The following JMJD1C variants were observed in gnomAD, a reference collection of about 807,000 sequenced individuals.
JMJD1C encodes the protein jumonji domain containing 1C.
JMJD1C carries 31 observed loss-of-function variants against 245.3 expected under a neutral mutation model. The ratio of observed to expected loss-of-function variants is 0.13; its 90% CI spans 0.09 to 0.17. JMJD1C has a LOEUF of 0.17. Ranked by LOEUF, JMJD1C falls within the 10% of genes least tolerant of loss-of-function variation. JMJD1C has a pLI of 1.00. For missense variants in JMJD1C, 2,691 were observed against 3,000.2 expected, an observed-to-expected ratio of 0.90 and a Z score of 2.41; for synonymous variants, 1,057 against 1,017.4, an observed-to-expected ratio of 1.04 and a Z score of -0.74.
At chr10:63,370,160 C>A (rs1946183876) in intron 2 of JMJD1C, among the ~76,000 whole-genome samples, 1 of 152,180 alleles carries the variant, frequency 6.6e-6, no homozygotes, top group Admixed American at 6.5e-5. Flanking sequence ...ACATCTCTTC[C>A]CCTGGCTGAT....
In JMJD1C at chr10:63,282,657, C is replaced by T. The variant is rs555237231; in HGVS notation, c.334-17893G>A. Among the ~76,000 whole-genome samples, 4 of 152,306 alleles carry T rather than the reference C, an allele frequency of 2.6e-5. 1 individual carries two copies. The South Asian group carries it at 8.3e-4, about 32-fold the overall frequency. ...CAGGGAAAACAAATATACTAATCTCCTCTCAGGTCAATAAAATTTCGATAA... is the reference window on the plus strand; with the variant it reads ...CAGGGAAAACAAATATACTAATCTCTTCTCAGGTCAATAAAATTTCGATAA... On this transcript the variant is annotated intron_variant, in intron 2 of 25. Transcript: ENST00000399262.
chr10:63,425,011 A>G (rs1049334208), intron 1 of JMJD1C, among the ~76,000 whole-genome samples: 9 of 152,286 alleles, frequency 5.9e-5, no homozygotes, highest in African/African-American at 2.2e-4. Flanking sequence ...GCTTGAAAAT[A>G]TCTTTCCATA....
In JMJD1C at chr10:63,208,772, G is replaced by C. The variant is rs774865285; in HGVS notation, c.2897C>G (p.Pro966Arg). The C allele has an allele frequency of 1.9e-6, 3 of 1,592,000 alleles. No homozygotes were observed. Among genetic ancestry groups the C allele is most frequent in the South Asian group, 1.2e-5 (1 of 86,692 alleles). The change falls in exon 10 of 26, where the codon CCA (proline) becomes CGA (arginine). Residue 966 changes from proline (P) to arginine (R), a missense_variant. Around this residue, in one of 9 missense-constraint regions of JMJD1C, gnomAD observed 1,562 missense variants for 1,490.7 expected, o/e 1.05. Transcript: ENST00000399262. ...EELERKAFME[P>R]LRSVASTSAK... ...TGATGTGGATGCAACAGACCGTAATGGTTCCATAAAAGCTTTTCTTTCTAA... is the reference window on the plus strand; with the variant it reads ...TGATGTGGATGCAACAGACCGTAATCGTTCCATAAAAGCTTTTCTTTCTAA...
chr10:63,354,131 G>T (rs546020913), intron 2 of JMJD1C, among the ~76,000 whole-genome samples: 1 of 152,262 alleles, frequency 6.6e-6, no homozygotes, highest in Admixed American at 6.5e-5. Flanking sequence ...GAGCCACTGC[G>T]CCTGGCCCTG....
chr10:63,185,414 G>A, intron 20 of JMJD1C, 149 bp downstream of exon 20: 1 of 648,794 alleles, frequency 1.5e-6, no homozygotes, highest in Non-Finnish European at 2.7e-6. Context: ...TTATAGGCGT[G>A]AGCCACTATG....
chr10:63,326,375 A>C (rs560223821), intron 2 of JMJD1C, among the ~76,000 whole-genome samples: 1 of 140,164 alleles, frequency 7.1e-6, no homozygotes, highest in African/African-American at 2.7e-5. Context: ...GCGCAATTCC[A>C]TCTCAAAAAT....
chr10:63,211,097 A>C (rs778307349), intron 8 of JMJD1C, among the ~76,000 whole-genome samples: 12 of 152,236 alleles, frequency 7.9e-5, no homozygotes, highest in Non-Finnish European at 1.5e-4. Context: ...AAACCACAGG[A>C]AACATCTTTC....
intron 1 of JMJD1C, chr10:63,465,184 C>G (rs1589800410): frequency 2.8e-6 from 1 of 356,724 alleles, no homozygotes; most frequent in Non-Finnish European, 5.1e-6. Context: ...CTCCGCCTTT[C>G]GGGGAGGTCT....
intron 3 of JMJD1C, among the ~76,000 whole-genome samples, chr10:63,238,177 T>A (rs1330933368): frequency 5.9e-5 from 2 of 33,864 alleles, no homozygotes; most frequent in Non-Finnish European, 1.7e-4. Flanking sequence ...TGAGACTCCA[T>A]CTCAAAAAAA....
At chr10:63,203,644 A>G in intron 10 of JMJD1C, 2 of 976,354 alleles carry the variant, frequency 2.0e-6, no homozygotes, top group Non-Finnish European at 2.4e-6. Context: ...CATAAAAATT[A>G]GTGGAGAAAA....
intron 1 of JMJD1C, among the ~76,000 whole-genome samples, chr10:63,482,326 A>C (rs540930905): frequency 5.3e-5 from 8 of 152,298 alleles, no homozygotes; most frequent in Non-Finnish European, 8.8e-5. Flanking sequence ...ATAATATTTT[A>C]ATAATATTGT....
chr10:63,389,456 CTTTT>C (rs201032087), intron 1 of JMJD1C, among the ~76,000 whole-genome samples: 1 of 139,474 alleles, frequency 7.2e-6, no homozygotes, highest in African/African-American at 2.6e-5. Context: ...TTTTTTTTTC[CTTTT>C]TTTTTTTTCC....
Position 63,214,405 on chromosome 10 carries a change from G to C in JMJD1C, c.1762C>G (p.His588Asp), listed in dbSNP as rs765146723. The change falls in exon 8 of 26, where the codon CAC (histidine) becomes GAC (aspartate). Residue 588 changes from histidine to aspartate, a missense_variant. Transcript: ENST00000399262. ...SVTNASSGND[H>D]LNMEKEKYVS... is the part of the protein sequence containing the mutation. ...TACTTCTCTTTTTCCATGTTCAAGT[G>C]ATCATTTCCTGAAGAAGCATTTGTA... The C allele has an allele frequency of 5.6e-6, 9 of 1,613,850 alleles. No homozygotes were observed. Among genetic ancestry groups the C allele is most frequent in the Non-Finnish European group, 7.6e-6 (9 of 1,179,978 alleles).
chr10:63,479,137 T>G (rs1021779002), intron 1 of JMJD1C, among the ~76,000 whole-genome samples: 4 of 152,182 alleles, frequency 2.6e-5, no homozygotes, highest in African/African-American at 9.7e-5. Context: ...CTATACACTT[T>G]TTACGTATTA....
At chr10:63,273,746 C>T (rs1856542224) in intron 2 of JMJD1C, among the ~76,000 whole-genome samples, 1 of 152,122 alleles carries the variant, frequency 6.6e-6, no homozygotes, top group Admixed American at 6.6e-5. Context: ...CAGAAATACA[C>T]ATCTCTAACT....
chr10:63,411,970 TGAACTCCTGA>T lies in JMJD1C; in HGVS notation c.169-31498_169-31489del, dbSNP rs573190359. ...TTGGCCATGTTGCCCAGACTGCTCT[TGAACTCCTGA>T]GAACTCCTGAGCTCCAGCTATTTGC... is the stretch of plus-strand genomic sequence containing the variant. On this transcript the variant is annotated intron_variant, in intron 1 of 25. Transcript: ENST00000399262. Among the ~76,000 whole-genome samples, 1,311 of 148,748 alleles carry T rather than the reference TGAACTCCTGA, an allele frequency of 8.8e-3. 13 individuals carry two copies. Among genetic ancestry groups the T allele is most frequent in the South Asian group, 0.035 (163 of 4,636 alleles).
intron 1 of JMJD1C, among the ~76,000 whole-genome samples, chr10:63,407,377 TCA>T (rs1949231621): frequency 2.0e-5 from 3 of 152,208 alleles, no homozygotes; most frequent in Non-Finnish European, 4.4e-5. Context: ...CCTTTCATCC[TCA>T]GTCTTCTTTC....
At chr10:63,361,719 TAA>T (rs55879769) in intron 2 of JMJD1C, among the ~76,000 whole-genome samples, 480 of 95,246 alleles carry the variant, frequency 5.0e-3, no homozygotes, top group African/African-American at 0.014. Flanking sequence ...CTGTCTCAAC[TAA>T]AAAAAAAAAA....
At chr10:63,368,419 G>T (rs1221870533) in intron 2 of JMJD1C, among the ~76,000 whole-genome samples, 1 of 152,158 alleles carries the variant, frequency 6.6e-6, no homozygotes, top group Non-Finnish European at 1.5e-5. Flanking sequence ...CTTAGTACAA[G>T]CCTGTGAACT....
Sources: gnomAD v4.1 joint callset for allele counts (sites outside exome capture counted in the v4.1 genomes callset) on GRCh38, gnomAD v4.1.1 for gene constraint, gnomAD v4.1.1 regional missense constraint, MANE v1.5 for transcripts, NCBI Gene and HGNC (gene_info 2026-07-23, HGNC 2026-07-21) for gene names.